FSHR: variants seen among roughly 807,000 people sequenced by gnomAD.
The protein encoded by FSHR is follicle-stimulating hormone receptor.
FSHR carries 46 observed loss-of-function variants against 52.1 expected under a neutral mutation model. The observed-to-expected ratio is 0.88, with a 90% CI of 0.70 to 1.13. FSHR has a LOEUF of 1.13. Ranked by LOEUF, FSHR falls within the 50% of genes most tolerant of loss-of-function variation. FSHR has a pLI of 0.00. For synonymous variants in FSHR, 399 were observed against 309.6 expected (o/e 1.29, Z -3.03); for missense variants, 964 against 834.6 (o/e 1.16, Z -1.91).
intron 1 of FSHR, among the ~76,000 whole-genome samples, chr2:49,084,225 C>T (rs1011199492): frequency 1.4e-5 from 2 of 141,056 alleles, no homozygotes; most frequent in African/African-American, 5.4e-5. Context: ...GGAAACTGAA[C>T]AACCTGCCCC....
intron 2 of FSHR, among the ~76,000 whole-genome samples, chr2:49,025,358 C>T (rs1667881202): frequency 6.6e-6 from 1 of 152,080 alleles, no homozygotes; most frequent in African/African-American, 2.4e-5. Flanking sequence ...TCTAGGCTTT[C>T]CTTAACTGGT....
intron 4 of FSHR, chr2:49,015,020 A>T: frequency 2.5e-6 from 1 of 397,320 alleles, no homozygotes; most frequent in Non-Finnish European, 4.9e-6. Context: ...AGGCACTAAT[A>T]ATTTTATATT....
chr2:49,026,839 C>A (rs975214430), intron 2 of FSHR, among the ~76,000 whole-genome samples: 12 of 152,150 alleles, frequency 7.9e-5, no homozygotes, highest in African/African-American at 2.9e-4. Flanking sequence ...GTCCCTCAAG[C>A]TTTTCCTGTT....
chr2:49,052,113 T>C (rs1030074679), intron 2 of FSHR, among the ~76,000 whole-genome samples: 1 of 152,144 alleles, frequency 6.6e-6, no homozygotes, highest in African/African-American at 2.4e-5. Context: ...ATAAAACATT[T>C]TAAACAAAAT....
intron 1 of FSHR, among the ~76,000 whole-genome samples, chr2:49,114,047 A>T (rs1487738027): frequency 6.6e-6 from 1 of 152,068 alleles, no homozygotes; most frequent in African/African-American, 2.4e-5. Context: ...CTCCTTCTCC[A>T]CCTGGCAGGA....
At chr2:49,014,825 T>C (rs1287006606) in intron 4 of FSHR, 1 of 448,570 alleles carries the variant, frequency 2.2e-6, no homozygotes, top group East Asian at 7.2e-5. Context: ...TGTGATAGTT[T>C]ATGAATGAAA....
intron 1 of FSHR, among the ~76,000 whole-genome samples, chr2:49,109,749 T>A (rs1286988093): frequency 6.6e-6 from 1 of 152,204 alleles, no homozygotes; most frequent in Admixed American, 6.5e-5. Context: ...AAATTGCTTT[T>A]TCCTTTATGC....
chr2:49,036,270 G>T (rs1200142218), intron 2 of FSHR, among the ~76,000 whole-genome samples: 1 of 151,940 alleles, frequency 6.6e-6, no homozygotes, highest in Non-Finnish European at 1.5e-5. Context: ...CTCTTTTGGG[G>T]TCTGAAATTT....
Position 48,982,916 on chromosome 2 carries a change from T to C in FSHR, c.664A>G (p.Ile222Val), listed in dbSNP as rs754581049. The change falls in exon 8 of 10, where the codon ATT becomes GTT. Residue 222 changes from isoleucine (I) to valine (V), a missense_variant. Coordinates refer to ENST00000406846, the MANE Select transcript of FSHR (RefSeq NM_000145.4). Reference sequence around the variant, plus strand: ...GAAATGGGGAAAGCTACTCACAGAATGACTGGTCCAGAGGCTCCGTGGAAA... The same window carrying C: ...GAAATGGGGAAAGCTACTCACAGAACGACTGGTCCAGAGGCTCCGTGGAAA... ...DVFHGASGPV[I>V]LDISRTRIHS... 1.1e-5 allele frequency: 18 copies of C among 1,612,892 alleles called. No homozygotes were observed. The highest frequency in any genetic ancestry group is 1.7e-5 in the Admixed American group (1 of 60,008).
In FSHR at chr2:49,109,278, C is replaced by T. The variant is rs1021549290; in HGVS notation, c.153-40988G>A. On this transcript the variant is annotated intron_variant, in intron 1 of 9. Coordinates refer to ENST00000406846, the MANE Select transcript of FSHR (RefSeq NM_000145.4). ...TTGCAGGAGCAGAGTGGGTGGGGGA[C>T]AGAGGAAAGAGACACTTGAGAGGGG... Among the ~76,000 whole-genome samples, 7 of 151,920 alleles carry T rather than the reference C, an allele frequency of 4.6e-5. 1 individual carries two copies. Among genetic ancestry groups the T allele is most frequent in the Admixed American group, 2.0e-4 (3 of 15,250 alleles).
At chr2:49,076,746 G>A (rs940809063) in intron 1 of FSHR, among the ~76,000 whole-genome samples, 6 of 152,180 alleles carry the variant, frequency 3.9e-5, no homozygotes, top group African/African-American at 1.4e-4. Flanking sequence ...ATGGGGTAGA[G>A]GTATTGGGTA....
At chr2:49,127,973 A>T (rs1421504029) in intron 1 of FSHR, among the ~76,000 whole-genome samples, 1 of 147,254 alleles carries the variant, frequency 6.8e-6, no homozygotes, top group Non-Finnish European at 1.5e-5. Flanking sequence ...ACTCACCGCA[A>T]CCTCTGCTTC....
intron 2 of FSHR, among the ~76,000 whole-genome samples, chr2:49,021,886 TAGAGAGAGAGAGAGAGAGAGAG>T (rs58926557): frequency 4.0e-5 from 1 of 25,126 alleles, no homozygotes; most frequent in African/African-American, 1.5e-4. Context: ...TATATATATA[TAGAGAGAGAGAGAGAGAGAGAG>T]AGAGAGAGAG....
At chr2:48,978,754 A>G (rs545682323) in intron 8 of FSHR, among the ~76,000 whole-genome samples, 2 of 152,202 alleles carry the variant, frequency 1.3e-5, no homozygotes, top group African/African-American at 4.8e-5. Flanking sequence ...ACTTGTTTGT[A>G]TGCCCCTGGC....
rs1669982435 is a variant in FSHR at position 49,077,208 on chromosome 2, T to C, written c.153-8918A>G. 3.3e-5 allele frequency among the ~76,000 whole-genome samples: 5 copies of C among 152,240 alleles called. No individual in the cohort carries two copies. In the South Asian group the frequency reaches 1.0e-3, roughly 31 times the overall value. ...GGCATCCAGGTGTTTCCATACATCT[T>C]CTGAAATCTAGGTGGAGGTTTCCGA... is the stretch of plus-strand genomic sequence containing the variant. On this transcript the variant is annotated intron_variant, in intron 1 of 9. Coordinates refer to ENST00000406846, the MANE Select transcript of FSHR (RefSeq NM_000145.4).
rs114487506 is a variant in FSHR at position 49,098,058 on chromosome 2, A to G, written c.153-29768T>C. Among the ~76,000 whole-genome samples the G allele has an allele frequency of 3.8e-3, 586 of 152,286 alleles. 7 individuals carry two copies. The highest frequency in any genetic ancestry group is 0.013 in the African/African-American group (540 of 41,564). ...AAGTTTTGACAACTATATGGCTAGTAGGGTTACGAAATAAAATAAAGATTA... is the reference window on the plus strand; with the variant it reads ...AAGTTTTGACAACTATATGGCTAGTGGGGTTACGAAATAAAATAAAGATTA... On this transcript the variant is annotated intron_variant, in intron 1 of 9. Coordinates refer to ENST00000406846, the MANE Select transcript of FSHR (RefSeq NM_000145.4).
chr2:49,055,021 C>T (rs1046827637), intron 2 of FSHR, among the ~76,000 whole-genome samples: 1 of 152,062 alleles, frequency 6.6e-6, no homozygotes, highest in African/African-American at 2.4e-5. Context: ...AGTGACTCTC[C>T]AGTCACAGAC....
At chr2:49,019,202 C>G (rs919772606) in intron 3 of FSHR, among the ~76,000 whole-genome samples, 2 of 152,160 alleles carry the variant, frequency 1.3e-5, no homozygotes, top group Non-Finnish European at 2.9e-5. Flanking sequence ...ATATTATAGA[C>G]TCTGAAAAGT....
chr2:49,054,879 A>G (rs1353019759), intron 2 of FSHR, among the ~76,000 whole-genome samples: 2 of 152,172 alleles, frequency 1.3e-5, no homozygotes, highest in Non-Finnish European at 2.9e-5. Flanking sequence ...ACTCATCCAA[A>G]TGAATGTCTT....
Sources: gnomAD v4.1 joint callset for allele counts (sites outside exome capture counted in the v4.1 genomes callset) on GRCh38, gnomAD v4.1.1 for gene constraint, MANE v1.5 for transcripts, NCBI Gene and HGNC (gene_info 2026-07-23, HGNC 2026-07-21) for gene names.